The following SLC35A4 variants were observed in gnomAD, a reference collection of about 807,000 sequenced individuals.
SLC35A4 encodes the protein probable UDP-sugar transporter protein SLC35A4.
Under a neutral mutation model 18.8 loss-of-function variants are expected in SLC35A4, and 9 were observed. That is an observed-to-expected ratio of 0.48 (90% confidence interval 0.29 to 0.83). The LOEUF (loss-of-function observed/expected upper bound fraction) is 0.83, where lower values mean the gene tolerates loss of function less well. Among genes scored for constraint, SLC35A4 ranks in the 40% least tolerant of loss-of-function variants. The pLI is 0.09. For missense variants in SLC35A4, 404 were observed against 415.5 expected, an observed-to-expected ratio of 0.97 and a Z score of 0.24; for synonymous variants, 189 against 191.9, an observed-to-expected ratio of 0.98 and a Z score of 0.13.
At position 140,568,561 on chromosome 5, in the gene SLC35A4, G is replaced by A. The variant is rs984002466; in HGVS notation, c.*417G>A. The A allele has an allele frequency of 7.4e-5, 19 of 258,006 alleles. No individual in the cohort carries two copies. The highest frequency in any genetic ancestry group is 8.2e-5 in the Non-Finnish European group (10 of 122,372). The allele number at this position is 258,006 out of a possible 1,614,324, so 16.0% of individuals were successfully genotyped here. On this transcript the variant is annotated 3_prime_UTR_variant, in exon 3 of 3. Coordinates refer to ENST00000323146, the MANE Select transcript of SLC35A4 (RefSeq NM_080670.4). ...GTCACCCAGCAGAGCCACTGGAGCT[G>A]GCTAGTCCAGCCCAGCCATGGTGCA... is the stretch of plus-strand genomic sequence containing the variant.
chr5:140,565,059 C>T, intron 1 of SLC35A4: 1 of 397,454 alleles, frequency 2.5e-6, no homozygotes, highest in South Asian at 1.4e-4. Context: ...GTGGATCCCC[C>T]AGATGTCCCC....
chr5:140,564,934 C>G lies in SLC35A4; in HGVS notation c.-705+76C>G, dbSNP rs1449929656. Reference sequence around the variant, plus strand: ...TGACCTTTTTAGTTCCGGGGAGAAGCGACTCTGGAGCGGCTCAGGAGTGAG... The same window carrying G: ...TGACCTTTTTAGTTCCGGGGAGAAGGGACTCTGGAGCGGCTCAGGAGTGAG... On this transcript the variant is annotated intron_variant, in intron 1 of 2. Transcript: ENST00000323146. The surrounding 1 kb of genome is among the most constrained non-coding windows in gnomAD (Gnocchi z 5.0). 11 of 400,306 alleles carry G rather than the reference C, an allele frequency of 2.7e-5. No individual in the cohort carries two copies. Among genetic ancestry groups the G allele is most frequent in the Non-Finnish European group, 4.9e-5 (11 of 226,630 alleles). 24.8% of individuals were successfully genotyped at this position (400,306 alleles called of 1,614,324 possible).
rs932321244 is a variant in SLC35A4 at position 140,568,892 on chromosome 5, G to C, written c.*748G>C. On this transcript the variant is annotated 3_prime_UTR_variant, in exon 3 of 3. Transcript: ENST00000323146. ...CTTGAAGCCCGCTACCCACTCTGAG[G>C]CTCCTAGGAGGTACCATGCTTCCCA... 6.0e-6 allele frequency: 1 copy of C among 167,046 alleles called. No homozygotes were observed. Among genetic ancestry groups the C allele is most frequent in the Non-Finnish European group, 1.5e-5 (1 of 68,118 alleles). 10.3% of individuals were successfully genotyped at this position (167,046 alleles called of 1,614,324 possible).
chr5:140,566,551 A>AT lies in SLC35A4; in HGVS notation c.-605-9dup. 1 of 412,578 alleles carries AT rather than the reference A, an allele frequency of 2.4e-6. No individual in the cohort carries two copies. The highest frequency in any genetic ancestry group is 1.1e-4 in the South Asian group (1 of 9,492). 25.6% of individuals were successfully genotyped at this position (412,578 alleles called of 1,614,324 possible). A position where few individuals can be genotyped will look rare whatever the true frequency, so the allele number is the denominator to read the frequency against. On this transcript the variant is annotated splice_polypyrimidine_tract_variant and intron_variant, in intron 2 of 2. Transcript: ENST00000323146. ...GGAGCCTAGCTAAGTTTCCTTCTGC[A>AT]TTTTTCTCTGCAGGATGGCTCGCTG...
In SLC35A4 at chr5:140,567,311, T is replaced by C. The variant is rs754175784; in HGVS notation, c.142T>C (p.Phe48Leu). 1.9e-6 allele frequency: 3 copies of C among 1,614,170 alleles called. No homozygotes were observed. The highest frequency in any genetic ancestry group is 2.2e-5 in the South Asian group (2 of 91,088). Residue 48 changes from phenylalanine to leucine, a missense_variant, in exon 3 of 3, where the codon TTC becomes CTC. By Grantham distance (22) the Phe-to-Leu change is conservative. Transcript: ENST00000323146. ...GTGCCATGTGGACGGCCGAGTGCCC[T>C]TCCGGCCCTCCTCAGCCGTGCTGCT... ...ALCHVDGRVPFRPSSAVLLTE... is the reference protein window; with the variant it reads ...ALCHVDGRVPLRPSSAVLLTE...
At position 140,567,517 on chromosome 5, in the gene SLC35A4, G is replaced by C. The variant is rs1755220081; in HGVS notation, c.348G>C (p.Gln116His). The C allele has an allele frequency of 1.2e-6, 2 of 1,614,080 alleles. No homozygotes were observed. Among genetic ancestry groups the C allele is most frequent in the African/African-American group, 1.3e-5 (1 of 74,952 alleles). The change falls in exon 3 of 3, where the codon CAG becomes CAC. Residue 116 changes from glutamine to histidine, a missense_variant. Physicochemically the swap from Gln to His is conservative, Grantham distance 24. Transcript: ENST00000323146. ...GTTACATGGACCCCAGCACCTACCA[G>C]GTGCTGAGTAATCTCAAGATTGGAA... Reference protein sequence around the residue: ...LQRYMDPSTYQVLSNLKIGST... With the variant: ...LQRYMDPSTYHVLSNLKIGST...
rs1182323165 is a variant in SLC35A4 at position 140,569,053 on chromosome 5, C to G, written c.*909C>G. 1.2e-5 allele frequency: 2 copies of G among 167,064 alleles called. No individual in the cohort carries two copies. Among genetic ancestry groups the G allele is most frequent in the Non-Finnish European group, 2.9e-5 (2 of 68,112 alleles). The allele number at this position is 167,064 out of a possible 1,614,324, so 10.3% of individuals were successfully genotyped here. On this transcript the variant is annotated 3_prime_UTR_variant, in exon 3 of 3. Transcript: ENST00000323146. The stretch of plus-strand genomic sequence containing the variant: ...TCTTTAACTGCATAAGCAATAAGAT[C>G]TTAATAAAGTCTTCTAGGCTGTAGG...
chr5:140,566,575 T>C lies in SLC35A4; in HGVS notation c.-595T>C. The C allele has an allele frequency of 2.3e-6, 1 of 429,190 alleles. No homozygotes were observed. Among genetic ancestry groups the C allele is most frequent in the African/African-American group, 2.0e-5 (1 of 49,430 alleles). 26.6% of individuals were successfully genotyped at this position (429,190 alleles called of 1,614,324 possible). On this transcript the variant is annotated 5_prime_UTR_variant, in exon 3 of 3. Coordinates refer to ENST00000323146, the MANE Select transcript of SLC35A4 (RefSeq NM_080670.4). Reference sequence around the variant, plus strand: ...CATTTTTCTCTGCAGGATGGCTCGCTGTTGTCCTCCCCGTTCCTCAAGGGA... The same window carrying C: ...CATTTTTCTCTGCAGGATGGCTCGCCGTTGTCCTCCCCGTTCCTCAAGGGA...
chr5:140,564,830 G>A lies in SLC35A4; in HGVS notation c.-733G>A, dbSNP rs752583539. ...AGGCGGGGATGCGCCTGCGCAACAA[G>A]TTCGGCGGGGAAGATGGCGGATGAC... On this transcript the variant is annotated 5_prime_UTR_variant, in exon 1 of 3. Coordinates refer to ENST00000323146, the MANE Select transcript of SLC35A4 (RefSeq NM_080670.4). The surrounding 1 kb of genome is among the most constrained non-coding windows in gnomAD (Gnocchi z 5.0). 4 of 402,976 alleles carry A rather than the reference G, an allele frequency of 9.9e-6. No individual in the cohort carries two copies. The highest frequency in any genetic ancestry group is 1.8e-5 in the Non-Finnish European group (4 of 228,136). 25.0% of individuals were successfully genotyped at this position (402,976 alleles called of 1,614,324 possible). A position where few individuals can be genotyped will look rare whatever the true frequency, so the allele number is the denominator to read the frequency against.
Position 140,568,159 on chromosome 5 carries a change from CACCCTGATTCCGG to C in SLC35A4, c.*22_*34del. The C allele has an allele frequency of 6.2e-7, 1 of 1,613,740 alleles. No homozygotes were observed. On this transcript the variant is annotated 3_prime_UTR_variant, in exon 3 of 3. Transcript: ENST00000323146. ...GCAGCCGCTAGTCCCTGACAACTTC[CACCCTGATTCCGG>C]ACCCTGTAGATTGGGCGCCACCACC...
In SLC35A4 at chr5:140,567,406, G is replaced by T; in HGVS notation, c.237G>T (p.Gly79=). The change falls in exon 3 of 3, where the codon GGG becomes GGT. Residue 79 remains glycine, a synonymous_variant. Coordinates refer to ENST00000323146, the MANE Select transcript of SLC35A4 (RefSeq NM_080670.4). ...LLVGWQAWPQ[G]PPPWRQAAPF... ...TAGGCTGGCAAGCATGGCCCCAGGG[G>T]CCCCCACCCTGGCGCCAGGCTGCTC... 6.2e-7 allele frequency: 1 copy of T among 1,614,130 alleles called. No individual in the cohort carries two copies. The highest frequency in any genetic ancestry group is 8.5e-7 in the Non-Finnish European group (1 of 1,180,034).
In SLC35A4 at chr5:140,567,210, C is replaced by T; in HGVS notation, c.41C>T (p.Pro14Leu). ...GGGGGTATGCCAGGCCTGGGCCGTC[C>T]CAGGCAGGCCCGCTGGACCCTGATG... ...EDGGMPGLGR[P>L]RQARWTLMLL... Residue 14 changes from proline to leucine, a missense_variant, in exon 3 of 3, where the codon CCC (proline) becomes CTC (leucine). Physicochemically the swap from Pro to Leu is moderately conservative, Grantham distance 98. Transcript: ENST00000323146. 6.2e-7 allele frequency: 1 copy of T among 1,614,148 alleles called. No homozygotes were observed. The highest frequency in any genetic ancestry group is 8.5e-7 in the Non-Finnish European group (1 of 1,179,990).
Position 140,567,853 on chromosome 5 carries a change from T to C in SLC35A4, c.684T>C (p.Gly228=). The C allele has an allele frequency of 6.2e-7, 1 of 1,614,166 alleles. No individual in the cohort carries two copies. The highest frequency in any genetic ancestry group is 8.5e-7 in the Non-Finnish European group (1 of 1,180,036). Reference sequence around the variant, plus strand: ...AGAACCTCTTCCTCTACACTTTTGGTGTGCTTCTGAATCTAGGTCTGCATG... The same window carrying C: ...AGAACCTCTTCCTCTACACTTTTGGCGTGCTTCTGAATCTAGGTCTGCATG... The part of the protein sequence containing the change: ...ALQNLFLYTF[G]VLLNLGLHAG... The change falls in exon 3 of 3, where the codon GGT becomes GGC. Residue 228 remains glycine, a synonymous_variant. Coordinates refer to ENST00000323146, the MANE Select transcript of SLC35A4 (RefSeq NM_080670.4).
chr5:140,565,101 A>G lies in SLC35A4; in HGVS notation c.-705+243A>G, dbSNP rs567954794. 1.4e-4 allele frequency: 55 copies of G among 394,824 alleles called. No individual in the cohort carries two copies. The East Asian group carries it at 1.8e-3, about 13-fold the overall frequency. 24.5% of individuals were successfully genotyped at this position (394,824 alleles called of 1,614,324 possible). ...GAACCATCACGAACCCGTTACTAGC[A>G]CAGACTCAAAAACATTCACCCTTAA... On this transcript the variant is annotated intron_variant, in intron 1 of 2. Coordinates refer to ENST00000323146, the MANE Select transcript of SLC35A4 (RefSeq NM_080670.4).
intron 1 of SLC35A4, 179 bp from the exon 2 acceptor site, chr5:140,565,694 C>T (rs1378244517): frequency 2.6e-6 from 1 of 382,558 alleles, no homozygotes; most frequent in Non-Finnish European, 4.6e-6. Flanking sequence ...TCCTGGCCCT[C>T]ATTTGAATTC....
Position 140,568,210 on chromosome 5 carries a change from C to T in SLC35A4, c.*66C>T. On this transcript the variant is annotated 3_prime_UTR_variant, in exon 3 of 3. Coordinates refer to ENST00000323146, the MANE Select transcript of SLC35A4 (RefSeq NM_080670.4). ...GGGCGCCACCACCAGATCCCCCTCC[C>T]AGGCCTTCCTCCCTCTCCCATCAGC... The T allele has an allele frequency of 6.2e-7, 1 of 1,610,626 alleles. No homozygotes were observed. Among genetic ancestry groups the T allele is most frequent in the Non-Finnish European group, 8.5e-7 (1 of 1,178,622 alleles).
chr5:140,569,046 A>G lies in SLC35A4; in HGVS notation c.*902A>G. ...CAGTGTCTCTTTAACTGCATAAGCA[A>G]TAAGATCTTAATAAAGTCTTCTAGG... is the stretch of plus-strand genomic sequence containing the variant. On this transcript the variant is annotated 3_prime_UTR_variant, in exon 3 of 3. Transcript: ENST00000323146. 1.2e-5 allele frequency: 2 copies of G among 167,216 alleles called. No homozygotes were observed. The allele number at this position is 167,216 out of a possible 1,614,324, so 10.4% of individuals were successfully genotyped here.
Position 140,567,714 on chromosome 5 carries a change from T to G in SLC35A4, c.545T>G (p.Leu182Arg). The G allele has an allele frequency of 6.2e-7, 1 of 1,614,136 alleles. No individual in the cohort carries two copies. Among genetic ancestry groups the G allele is most frequent in the Non-Finnish European group, 8.5e-7 (1 of 1,180,038 alleles). ...GCAGCTGCTGCCAGCCCCATGCCCC[T>G]GCATATCACTCCGCTAGGCCTGCTG... Reference protein sequence around the residue: ...PPAAAASPMPLHITPLGLLLL... With the variant: ...PPAAAASPMPRHITPLGLLLL... Residue 182 changes from leucine to arginine, a missense_variant, in exon 3 of 3, where the codon CTG (leucine) becomes CGG (arginine). Coordinates refer to ENST00000323146, the MANE Select transcript of SLC35A4 (RefSeq NM_080670.4).
Position 140,567,778 on chromosome 5 carries a change from A to C in SLC35A4, c.609A>C (p.Ser203=). ...ILYCLISGLS[S]VYTELLMKRQ... is the part of the protein sequence containing the mutation. ...ACTGCCTCATCTCAGGCTTGTCGTC[A>C]GTGTACACAGAGCTGCTCATGAAGC... The change falls in exon 3 of 3, where the codon TCA becomes TCC. Residue 203 remains serine, a synonymous_variant. Coordinates refer to ENST00000323146, the MANE Select transcript of SLC35A4 (RefSeq NM_080670.4). The C allele has an allele frequency of 6.2e-7, 1 of 1,614,066 alleles. No individual in the cohort carries two copies. Among genetic ancestry groups the C allele is most frequent in the Non-Finnish European group, 8.5e-7 (1 of 1,180,026 alleles).
Sources: gnomAD v4.1 joint callset for allele counts on GRCh38, gnomAD v4.1.1 for gene constraint, Gnocchi (gnomAD v3.1) non-coding constraint, MANE v1.5 for transcripts, NCBI Gene and HGNC (gene_info 2026-07-23, HGNC 2026-07-21) for gene names.